OXR1: variants seen among roughly 807,000 people sequenced by gnomAD.
OXR1 encodes oxidation resistance 1.
A neutral mutation model predicts 104.6 loss-of-function variants in OXR1; 41 were observed. The ratio of observed to expected loss-of-function variants is 0.39; its 90% CI spans 0.31 to 0.51. The LOEUF (loss-of-function observed/expected upper bound fraction) is 0.51. OXR1 is among the 20% of genes least tolerant of loss of function. The pLI, the probability that OXR1 is intolerant of heterozygous loss-of-function variation, is 0.77. For synonymous variants in OXR1, 348 were observed against 348.4 expected (o/e 1.00, Z 0.01); for missense variants, 955 against 1,031.9 (o/e 0.93, Z 1.02).
chr8:106,556,254 A>C (rs75710613), intron 3 of OXR1, among the ~76,000 whole-genome samples: 1 of 152,224 alleles, frequency 6.6e-6, no homozygotes, highest in East Asian at 1.9e-4. Context: ...CAAATGCACT[A>C]AATTCCACTG....
intron 2 of OXR1, among the ~76,000 whole-genome samples, chr8:106,435,114 GA>G (rs1223406980): frequency 6.6e-6 from 1 of 152,152 alleles, no homozygotes; most frequent in Admixed American, 6.6e-5. Flanking sequence ...TCCGGTGACA[GA>G]CTCTGCAGTA....
At chr8:106,559,318 C>T (rs976303062) in intron 3 of OXR1, among the ~76,000 whole-genome samples, 1 of 152,200 alleles carries the variant, frequency 6.6e-6, no homozygotes, top group Admixed American at 6.5e-5. Context: ...CACAGTCACA[C>T]AGGTAATCTC....
intron 3 of OXR1, among the ~76,000 whole-genome samples, chr8:106,619,029 G>A (rs1821474656): frequency 6.6e-6 from 1 of 152,088 alleles, no homozygotes; most frequent in Non-Finnish European, 1.5e-5. Context: ...ATGGCATGCA[G>A]CAGATGGAAT....
At chr8:106,365,441 A>G (rs6988934) in intron 2 of OXR1, among the ~76,000 whole-genome samples, 191 of 152,102 alleles carry the variant, frequency 1.3e-3, no homozygotes, top group African/African-American at 4.4e-3. Flanking sequence ...GAAAAAAAAA[A>G]AAGAATAGAA....
At chr8:106,426,619 C>A (rs1419170935) in intron 2 of OXR1, among the ~76,000 whole-genome samples, 3 of 152,094 alleles carry the variant, frequency 2.0e-5, no homozygotes, top group Non-Finnish European at 4.4e-5. Flanking sequence ...ACCCTAGATA[C>A]AGGTTGTGTG....
chr8:106,519,139 G>C lies in OXR1; in HGVS notation c.220G>C (p.Asp74His). ...CGAACTGAAGAGGTTCTACACAATT[G>C]GTGAGCACCAGATGTTTTATGCAAG... Reference protein sequence around the residue: ...RSELKRFYTIDTGQKKTLDKK... With the variant: ...RSELKRFYTIHTGQKKTLDKK... The change falls in exon 3 of 17, where the codon GAC becomes CAC. Residue 74 changes from aspartate (D) to histidine (H), a missense_variant and splice_region_variant. By Grantham distance (81) the Asp-to-His change is moderately conservative (BLOSUM62 -1). Around this residue, in one of 2 missense-constraint regions of OXR1, gnomAD observed 849 missense variants for 852.9 expected, o/e 1.00. Transcript: ENST00000517566. The C allele has an allele frequency of 6.5e-7, 1 of 1,545,706 alleles. No individual in the cohort carries two copies. The highest frequency in any genetic ancestry group is 8.8e-7 in the Non-Finnish European group (1 of 1,142,036).
chr8:106,500,731 T>C (rs778037988), intron 2 of OXR1, among the ~76,000 whole-genome samples: 1 of 152,108 alleles, frequency 6.6e-6, no homozygotes, highest in African/African-American at 2.4e-5. Context: ...AGAGAAACTG[T>C]CATTTTTTAA....
chr8:106,504,132 T>A (rs563775302), intron 2 of OXR1, among the ~76,000 whole-genome samples: 4 of 152,314 alleles, frequency 2.6e-5, no homozygotes, highest in African/African-American at 9.6e-5. Context: ...CACAAAGACC[T>A]GTTCCCTCGT....
intron 2 of OXR1, among the ~76,000 whole-genome samples, chr8:106,453,344 T>A (rs531943203): frequency 1.8e-4 from 27 of 152,310 alleles, no homozygotes; most frequent in Admixed American, 5.9e-4. Context: ...ATGGACCACT[T>A]TGAAAATGAA....
intron 9 of OXR1, among the ~76,000 whole-genome samples, chr8:106,708,238 T>C (rs988006098): frequency 5.3e-5 from 8 of 151,632 alleles, no homozygotes; most frequent in African/African-American, 1.7e-4. Context: ...CAAAAAAAAA[T>C]TACAAAAATT....
intron 1 of OXR1, among the ~76,000 whole-genome samples, chr8:106,346,821 C>T (rs949603915): frequency 1.1e-4 from 16 of 152,180 alleles, no homozygotes; most frequent in South Asian, 1.0e-3. Context: ...GGGCGGATCA[C>T]GGGGTCAAGA....
At chr8:106,674,301 A>G (rs1241308650) in intron 3 of OXR1, among the ~76,000 whole-genome samples, 1 of 152,234 alleles carries the variant, frequency 6.6e-6, no homozygotes, top group Non-Finnish European at 1.5e-5. Flanking sequence ...TGAAACTTTA[A>G]GATTTAATGA....
Position 106,649,100 on chromosome 8 carries a change from G to A in OXR1, c.221-30110G>A, listed in dbSNP as rs189928698. 1.7e-3 allele frequency among the ~76,000 whole-genome samples: 256 copies of A among 152,236 alleles called. 1 individual carries two copies. The highest frequency in any genetic ancestry group is 5.9e-3 in the African/African-American group (245 of 41,540). On this transcript the variant is annotated intron_variant, in intron 3 of 16. Coordinates refer to ENST00000517566, the MANE Select transcript of OXR1 (RefSeq NM_001198533.2). ...TGTGCCTATGGTCCCAGCTACTTAG[G>A]AGGCTGAGGCAGGAGGATGGATTGA...
At chr8:106,672,339 T>C (rs1436099055) in intron 3 of OXR1, among the ~76,000 whole-genome samples, 1 of 149,364 alleles carries the variant, frequency 6.7e-6, no homozygotes. Context: ...AAAAAAAAAT[T>C]AGCTGGGGTT....
intron 3 of OXR1, among the ~76,000 whole-genome samples, chr8:106,648,546 G>A (rs932771607): frequency 4.6e-5 from 7 of 152,070 alleles, no homozygotes; most frequent in Non-Finnish European, 1.0e-4. Flanking sequence ...TTACTTGAAA[G>A]TTTTCTACTT....
chr8:106,461,224 C>T (rs1024573585), intron 2 of OXR1, among the ~76,000 whole-genome samples: 1 of 151,960 alleles, frequency 6.6e-6, no homozygotes, highest in Non-Finnish European at 1.5e-5. Flanking sequence ...AGTAGTCTCC[C>T]CTGGGAGACG....
At chr8:106,497,771 A>C (rs1811507920) in intron 2 of OXR1, among the ~76,000 whole-genome samples, 1 of 146,936 alleles carries the variant, frequency 6.8e-6, no homozygotes, top group Non-Finnish European at 1.5e-5. Context: ...TGGTAGAAAA[A>C]TTTATATGGT....
rs796311595 is a variant in OXR1, at chr8:106,444,985, T to A, written c.24-73958T>A. Among the ~76,000 whole-genome samples, 4 of 152,260 alleles carry A rather than the reference T, an allele frequency of 2.6e-5. No individual in the cohort carries two copies. In the South Asian group the frequency reaches 8.3e-4, roughly 32 times the overall value. On this transcript the variant is annotated intron_variant, in intron 2 of 16. Transcript: ENST00000517566. ...AGAACAAATATGAATAGTTTAGATA[T>A]GACCCTGGGCAATAGGCATTAGGAA...
At chr8:106,658,025 C>A in intron 3 of OXR1, 1 of 1,248,602 alleles carries the variant, frequency 8.0e-7, no homozygotes, top group Non-Finnish European at 1.0e-6. Context: ...AGAGTGGGCG[C>A]CTTCTGCGGG....
Sources: allele counts gnomAD v4.1 joint callset (sites outside exome capture counted in the v4.1 genomes callset), GRCh38; gene constraint gnomAD v4.1.1; regional missense constraint gnomAD v4.1.1; transcripts MANE v1.5; gene names NCBI Gene and HGNC (gene_info 2026-07-23, HGNC 2026-07-21).